NUP98: variants seen among roughly 807,000 people sequenced by gnomAD.
NUP98 encodes nucleoporin 98 and 96 precursor.
NUP98 carries 26 observed loss-of-function variants against 191.9 expected under a neutral mutation model. The ratio of observed to expected loss-of-function variants is 0.14; its 90% CI spans 0.10 to 0.19. The LOEUF (loss-of-function observed/expected upper bound fraction) is 0.19. NUP98 is among the 10% of genes least tolerant of loss of function. The pLI is 1.00. For synonymous variants in NUP98, 808 were observed against 778.4 expected, an observed-to-expected ratio of 1.04 and a Z score of -0.63; for missense variants, 1,941 against 2,178.8, an observed-to-expected ratio of 0.89 and a Z score of 2.17.
intron 26 of NUP98, among the ~76,000 whole-genome samples, chr11:3,693,925 G>A (rs1224557369): frequency 6.6e-6 from 1 of 152,086 alleles, no homozygotes; most frequent in Non-Finnish European, 1.5e-5. Context: ...TGGAACATAA[G>A]TGGCTATAAA....
intron 1 of NUP98, among the ~76,000 whole-genome samples, chr11:3,792,838 G>A (rs1355175957): frequency 1.3e-5 from 2 of 152,118 alleles, no homozygotes; most frequent in Non-Finnish European, 2.9e-5. Flanking sequence ...AAGGTTTGAG[G>A]CCGGGCACGG....
intron 30 of NUP98, among the ~76,000 whole-genome samples, chr11:3,680,660 C>T (rs561999746): frequency 6.6e-6 from 1 of 152,200 alleles, no homozygotes; most frequent in East Asian, 1.9e-4. Flanking sequence ...TCCCTCCAAC[C>T]TCAGCCTCCC....
intron 11 of NUP98, among the ~76,000 whole-genome samples, chr11:3,750,590 T>A (rs2080710874): frequency 6.6e-6 from 1 of 152,138 alleles, no homozygotes; most frequent in African/African-American, 2.4e-5. Context: ...AGACAAAGTT[T>A]CATAAAAGGA....
rs190351498 is a variant in NUP98, at chr11:3,783,238, G to A, written c.-28-1093C>T. ...GAAACCCTGTCTACAAAAAATCAAA[G>A]TTGGACTGGTGTGGTGACACGGGAC... On this transcript the variant is annotated intron_variant, in intron 1 of 32. Coordinates refer to ENST00000324932, the MANE Select transcript of NUP98 (RefSeq NM_016320.5). Among the ~76,000 whole-genome samples the A allele has an allele frequency of 1.2e-3, 174 of 150,172 alleles. 1 individual carries two copies. Among genetic ancestry groups the A allele is most frequent in the South Asian group, 1.5e-3 (7 of 4,720 alleles).
intron 11 of NUP98, 49 bp downstream of exon 11, chr11:3,753,267 G>T (rs753391904): frequency 1.4e-6 from 2 of 1,432,786 alleles, no homozygotes; most frequent in Non-Finnish European, 2.0e-6. Context: ...CCAGAAACTA[G>T]AAAGTCAAGC....
At chr11:3,677,903 A>T (rs1252698199) in intron 31 of NUP98, among the ~76,000 whole-genome samples, 1 of 152,238 alleles carries the variant, frequency 6.6e-6, no homozygotes, top group African/African-American at 2.4e-5. Context: ...AACAATTATT[A>T]AGCATTTAGT....
chr11:3,683,939 G>A (rs1196369491), intron 29 of NUP98, among the ~76,000 whole-genome samples: 1 of 152,108 alleles, frequency 6.6e-6, no homozygotes, highest in Non-Finnish European at 1.5e-5. Flanking sequence ...CAGGCACAGT[G>A]CCTCACGCCT....
intron 14 of NUP98, 48 bp from the exon 15 acceptor site, chr11:3,725,267 C>T (rs201393665): frequency 6.0e-6 from 5 of 832,208 alleles, no homozygotes; most frequent in Admixed American, 2.0e-5. Context: ...CTCAGGCATA[C>T]AGATATGTCC....
chr11:3,697,629 C>T (rs997433278), intron 25 of NUP98, among the ~76,000 whole-genome samples: 8 of 151,682 alleles, frequency 5.3e-5, no homozygotes, highest in East Asian at 1.9e-4. Context: ...GCCAACATGG[C>T]GAAACCCTGT....
intron 31 of NUP98, among the ~76,000 whole-genome samples, chr11:3,677,088 A>G (rs1296537917): frequency 1.3e-5 from 2 of 152,218 alleles, no homozygotes; most frequent in African/African-American, 4.8e-5. Context: ...TGCTCTCATG[A>G]AACTGATAGA....
At chr11:3,690,983 T>C (rs779375233) in intron 28 of NUP98, among the ~76,000 whole-genome samples, 1 of 152,140 alleles carries the variant, frequency 6.6e-6, no homozygotes, top group Non-Finnish European at 1.5e-5. Context: ...AACTAACTTA[T>C]AGTAACAAAA....
chr11:3,721,107 G>T (rs1817069332), intron 16 of NUP98: 1 of 185,196 alleles, frequency 5.4e-6, no homozygotes, highest in Non-Finnish European at 1.1e-5. Flanking sequence ...GCTTAACCTC[G>T]TGTTTTTCCA....
intron 2 of NUP98, among the ~76,000 whole-genome samples, chr11:3,780,338 G>A (rs1038128044): frequency 6.7e-6 from 1 of 149,306 alleles, no homozygotes; most frequent in Non-Finnish European, 1.5e-5. Context: ...AGACCATCCT[G>A]GCTAACACGG....
At chr11:3,691,688 G>A (rs1456098813) in intron 27 of NUP98, among the ~76,000 whole-genome samples, 199 bp from the exon 28 acceptor site, 2 of 152,008 alleles carry the variant, frequency 1.3e-5, no homozygotes, top group Non-Finnish European at 2.9e-5. Context: ...CAAGTAGCTG[G>A]GATTACAGCT....
intron 11 of NUP98, 38 bp from the exon 12 acceptor site, chr11:3,744,687 G>T: frequency 1.3e-6 from 2 of 1,577,760 alleles, no homozygotes; most frequent in Non-Finnish European, 1.7e-6. Context: ...CACCACAGAA[G>T]ATCCTTTCAA....
chr11:3,776,385 A>C (rs898849911), intron 4 of NUP98, among the ~76,000 whole-genome samples: 6 of 152,082 alleles, frequency 3.9e-5, no homozygotes, highest in African/African-American at 1.4e-4. Context: ...TCGAAATCCT[A>C]AAGTGTTGGG....
At chr11:3,737,055 A>G (rs1399034884) in intron 12 of NUP98, among the ~76,000 whole-genome samples, 2 of 152,198 alleles carry the variant, frequency 1.3e-5, no homozygotes, top group African/African-American at 2.4e-5. Context: ...AACATTAAGA[A>G]AAAAGCAAAA....
chr11:3,771,767 G>A lies in NUP98; in HGVS notation c.765C>T (p.Asn255=), dbSNP rs541050473. ...TTNSGFAYGQ[N]KTAFGTSTTG... ...GCTTACTAGTTCCAAAGGCAGTTTTGTTCTGACCATATGCAAAGCCTGAAT... is the reference window on the plus strand; with the variant it reads ...GCTTACTAGTTCCAAAGGCAGTTTTATTCTGACCATATGCAAAGCCTGAAT... The change falls in exon 7 of 33, where the codon AAC becomes AAT. Residue 255 remains asparagine, a synonymous_variant. Transcript: ENST00000324932. The A allele has an allele frequency of 5.6e-6, 9 of 1,614,138 alleles. No individual in the cohort carries two copies. The African/African-American group carries it at 8.0e-5, about 14-fold the overall frequency.
chr11:3,725,963 G>A (rs982630662), intron 14 of NUP98, among the ~76,000 whole-genome samples: 2 of 152,144 alleles, frequency 1.3e-5, no homozygotes, highest in Non-Finnish European at 2.9e-5. Context: ...TGGGACGATA[G>A]GCACCCACCA....
Sources: allele counts gnomAD v4.1 joint callset (sites outside exome capture counted in the v4.1 genomes callset), GRCh38; gene constraint gnomAD v4.1.1; transcripts MANE v1.5; gene names NCBI Gene and HGNC (gene_info 2026-07-23, HGNC 2026-07-21).